Variants in ERGIC1 observed in about 807,000 individuals in gnomAD.
ERGIC1 encodes the protein endoplasmic reticulum-Golgi intermediate compartment protein 1.
In ERGIC1, 19 loss-of-function variants were observed where a neutral mutation model predicts 38.3. That is an observed-to-expected ratio of 0.50 (90% CI 0.35 to 0.73). The LOEUF is 0.73. ERGIC1 is among the 30% of genes least tolerant of loss of function. The probability of loss-of-function intolerance (pLI) is 0.01; values close to 1 mark genes in which losing one functional copy is unlikely to be tolerated. For synonymous variants in ERGIC1, 124 were observed against 157.6 expected, an observed-to-expected ratio of 0.79 and a Z score of 1.60; for missense variants, 294 against 389.2, an observed-to-expected ratio of 0.76 and a Z score of 2.06.
chr5:172,926,279 G>A lies in ERGIC1; in HGVS notation c.481-230G>A, dbSNP rs1763648176. On this transcript the variant is annotated intron_variant, in intron 6 of 9. Transcript: ENST00000393784. This position sits in a 1 kb window ranked among gnomAD's most constrained non-coding sequence, Gnocchi z 5.2. ...GGGGCATGAAATGAAATTATATGAA[G>A]GGGCCAGGATGGAGCAGCACATAGT... 6.6e-6 allele frequency among the ~76,000 whole-genome samples: 1 copy of A among 152,206 alleles called. No homozygotes were observed. The highest frequency in any genetic ancestry group is 1.5e-5 in the Non-Finnish European group (1 of 68,030).
intron 1 of ERGIC1, among the ~76,000 whole-genome samples, chr5:172,877,460 T>TATATATATA (rs1561713741): frequency 1.3e-5 from 1 of 74,668 alleles, no homozygotes; most frequent in African/African-American, 5.0e-5. Context: ...ATATATATAT[T>TATATATATA]TTTTTTTTTT....
chr5:172,930,544 T>C (rs1364190727), intron 7 of ERGIC1, among the ~76,000 whole-genome samples: 2 of 152,104 alleles, frequency 1.3e-5, no homozygotes, highest in Admixed American at 6.6e-5. Flanking sequence ...GGTTTCACCA[T>C]GTTGGCCAGG....
rs758149727 is a variant in ERGIC1 at position 172,846,684 on chromosome 5, C to T, written c.20+12251C>T. The stretch of plus-strand genomic sequence containing the variant: ...AAAGGAATAGGAAGGTTTCTCCTGG[C>T]GCAGGAAAGTGTTTTAAGAGGTGAG... On this transcript the variant is annotated intron_variant, in intron 1 of 9. Transcript: ENST00000393784. This position sits in a 1 kb window ranked among gnomAD's most constrained non-coding sequence, Gnocchi z 4.0. Among the ~76,000 whole-genome samples the T allele has an allele frequency of 2.0e-4, 30 of 152,098 alleles. No homozygotes were observed. The highest frequency in any genetic ancestry group is 3.5e-4 in the Non-Finnish European group (24 of 68,034).
chr5:172,916,626 A>G (rs1260955481), intron 5 of ERGIC1: 2 of 152,268 alleles, frequency 1.3e-5, no homozygotes, highest in South Asian at 2.1e-4. Flanking sequence ...TAGACAGTGC[A>G]GAGAGAAAGC....
chr5:172,857,625 A>C (rs1487359835), intron 1 of ERGIC1, among the ~76,000 whole-genome samples: 1 of 140,480 alleles, frequency 7.1e-6, no homozygotes, highest in East Asian at 2.5e-4. Context: ...TGTGAGGCCA[A>C]AATGAGAATA....
chr5:172,892,139 A>G (rs1762583934), intron 2 of ERGIC1, among the ~76,000 whole-genome samples: 1 of 146,924 alleles, frequency 6.8e-6, no homozygotes, highest in Non-Finnish European at 1.5e-5. Context: ...TCTGATAGAC[A>G]GTTTCAGCCA....
At chr5:172,900,318 C>T (rs924481326) in intron 3 of ERGIC1, among the ~76,000 whole-genome samples, 1 of 152,168 alleles carries the variant, frequency 6.6e-6, no homozygotes, top group Non-Finnish European at 1.5e-5. Context: ...GCTCCCCATT[C>T]CCCCGTGCCA....
At chr5:172,888,870 A>G (rs949089857) in intron 2 of ERGIC1, 110 bp downstream of exon 2, 2 of 1,034,456 alleles carry the variant, frequency 1.9e-6, no homozygotes, top group East Asian at 2.4e-5. Context: ...GACAGGAGGG[A>G]GGAAAGAAAT....
chr5:172,900,580 C>T (rs1416393386), intron 3 of ERGIC1, among the ~76,000 whole-genome samples: 2 of 152,068 alleles, frequency 1.3e-5, no homozygotes, highest in African/African-American at 2.4e-5. Context: ...CGTGGACACA[C>T]ACACCTGTAG....
chr5:172,847,775 A>G (rs1224317100), intron 1 of ERGIC1, among the ~76,000 whole-genome samples: 2 of 152,212 alleles, frequency 1.3e-5, no homozygotes, highest in East Asian at 3.8e-4. Context: ...GGCCTCCCAA[A>G]GTGCTGGGAT....
intron 3 of ERGIC1, among the ~76,000 whole-genome samples, chr5:172,899,040 TTGGCAGGCCTGTCA>T (rs1762804372): frequency 6.6e-6 from 1 of 152,162 alleles, no homozygotes; most frequent in South Asian, 2.1e-4. Flanking sequence ...CCTGCTTGGC[TTGGCAGGCCTGTCA>T]TGTTCTGAGC....
chr5:172,872,863 T>C (rs1327319117), intron 1 of ERGIC1, among the ~76,000 whole-genome samples: 1 of 152,098 alleles, frequency 6.6e-6, no homozygotes, highest in East Asian at 1.9e-4. Flanking sequence ...GGTGGTCTCA[T>C]AGCACAAAGC....
At chr5:172,918,680 G>A (rs1039199253) in intron 5 of ERGIC1, among the ~76,000 whole-genome samples, 2 of 152,228 alleles carry the variant, frequency 1.3e-5, no homozygotes, top group African/African-American at 4.8e-5. Context: ...AGAAGGGGCC[G>A]CTGCAGGAGC....
intron 1 of ERGIC1, among the ~76,000 whole-genome samples, chr5:172,843,169 A>G (rs710108): frequency 0.23 from 34,748 of 152,062 alleles, 4,414 homozygotes; most frequent in East Asian, 0.38. Flanking sequence ...AATAAAATAG[A>G]AGTTTATTTT....
chr5:172,943,394 C>T (rs1396135525), intron 9 of ERGIC1, among the ~76,000 whole-genome samples: 1 of 151,550 alleles, frequency 6.6e-6, no homozygotes, highest in Non-Finnish European at 1.5e-5. Flanking sequence ...TCCCCGACTA[C>T]ACCCCCCACC....
intron 5 of ERGIC1, chr5:172,915,575 G>A (rs1251886133): frequency 1.3e-5 from 6 of 471,056 alleles, no homozygotes; most frequent in East Asian, 6.9e-5. Context: ...TGGGAGGGCC[G>A]AGGCACCCGG....
intron 3 of ERGIC1, among the ~76,000 whole-genome samples, chr5:172,901,601 T>A (rs1356862124): frequency 6.6e-6 from 1 of 152,010 alleles, no homozygotes; most frequent in Non-Finnish European, 1.5e-5. Context: ...TTTATTTTTA[T>A]TTTTTGTTTG....
chr5:172,950,071 G>T (rs1037980942), intron 9 of ERGIC1, among the ~76,000 whole-genome samples: 2 of 152,116 alleles, frequency 1.3e-5, no homozygotes, highest in African/African-American at 2.4e-5. Flanking sequence ...AAAAGAAAAA[G>T]AAAAAGAAAC....
rs1218094816 is a variant in ERGIC1 at position 172,886,855 on chromosome 5, C to T, written c.21-1844C>T. ...ACAGCACATGCTCTTACCTCTCACA[C>T]ACCTCTCAGTGTTAAAGCGGCCCCC... On this transcript the variant is annotated intron_variant, in intron 1 of 9. Coordinates refer to ENST00000393784, the MANE Select transcript of ERGIC1 (RefSeq NM_001031711.3). 2.0e-5 allele frequency among the ~76,000 whole-genome samples: 3 copies of T among 152,318 alleles called. No homozygotes were observed. In the East Asian group the frequency reaches 5.8e-4, roughly 29 times the overall value.
Sources: gnomAD v4.1 joint callset for allele counts (sites outside exome capture counted in the v4.1 genomes callset) on GRCh38, gnomAD v4.1.1 for gene constraint, Gnocchi (gnomAD v3.1) non-coding constraint, MANE v1.5 for transcripts, NCBI Gene and HGNC (gene_info 2026-07-23, HGNC 2026-07-21) for gene names.